The following TACC2 variants were observed in gnomAD, a reference collection of about 807,000 sequenced individuals.
The protein encoded by TACC2 is transforming acidic coiled-coil containing protein 2, also known as transforming acidic coiled-coil-containing protein 2.
TACC2 carries 137 observed loss-of-function variants against 227.3 expected under a neutral mutation model. The observed-to-expected ratio is 0.60, with a 90% confidence interval of 0.52 to 0.69. The LOEUF is 0.69. Ranked by LOEUF, TACC2 falls within the 30% of genes least tolerant of loss-of-function variation. The pLI, the probability that TACC2 is intolerant of heterozygous loss-of-function variation, is 0.00. For missense variants in TACC2, 3,470 were observed against 3,694.4 expected (o/e 0.94, Z 1.57); for synonymous variants, 1,523 against 1,487.5 (o/e 1.02, Z -0.55).
chr10:122,235,071 CT>C (rs2141560131), intron 16 of TACC2, among the ~76,000 whole-genome samples: 1 of 152,114 alleles, frequency 6.6e-6, no homozygotes, highest in East Asian at 1.9e-4. Flanking sequence ...TTTGTTTTTC[CT>C]TTTAAAATCC....
At chr10:122,138,525 C>A (rs1337134554) in intron 6 of TACC2, among the ~76,000 whole-genome samples, 1 of 152,162 alleles carries the variant, frequency 6.6e-6, no homozygotes, top group East Asian at 1.9e-4. Flanking sequence ...AATAAACAAA[C>A]AAACAAAGAC....
Position 122,008,264 on chromosome 10 carries a change from A to ATTATTATTTTTTTTT in TACC2, c.-45-13671_-45-13670insATTATTTTTTTTTTT. Among the ~76,000 whole-genome samples, 328 of 134,624 alleles carry ATTATTATTTTTTTTT rather than the reference A, an allele frequency of 2.4e-3. 2 individuals are homozygous for ATTATTATTTTTTTTT. The highest frequency in any genetic ancestry group is 3.7e-3 in the Middle Eastern group (1 of 272). 88.3% of individuals were successfully genotyped at this position (134,624 alleles called of 152,430 possible). Reference sequence around the variant, plus strand: ...TCCCTTTGTTATTATTATTATTATTATTTTTTTTTTTTGAGACAGAATTTT... The same window carrying ATTATTATTTTTTTTT: ...TCCCTTTGTTATTATTATTATTATTATTATTATTTTTTTTTTTTTTTTTTTTTGAGACAGAATTTT... On this transcript the variant is annotated intron_variant, in intron 1 of 22. Coordinates refer to ENST00000369005, the MANE Select transcript of TACC2 (RefSeq NM_206862.4).
At chr10:122,140,612 G>C (rs2090386758) in intron 6 of TACC2, among the ~76,000 whole-genome samples, 1 of 152,228 alleles carries the variant, frequency 6.6e-6, no homozygotes, top group Non-Finnish European at 1.5e-5. Context: ...TCTCTGGGCT[G>C]GGTTTGGCAG....
At chr10:122,216,968 G>A (rs1395860461) in intron 11 of TACC2, 140 bp downstream of exon 11, 1 of 1,497,894 alleles carries the variant, frequency 6.7e-7, no homozygotes, top group East Asian at 2.4e-5. Context: ...GTCTCCCGCT[G>A]CACTTGCAGC....
At chr10:122,041,816 C>T (rs1410545164) in intron 2 of TACC2, among the ~76,000 whole-genome samples, 6 of 152,252 alleles carry the variant, frequency 3.9e-5, no homozygotes, top group Admixed American at 1.3e-4. Flanking sequence ...TCCCCCAGCC[C>T]GGAGGGTCGG....
intron 8 of TACC2, among the ~76,000 whole-genome samples, chr10:122,203,982 C>G (rs1374336498): frequency 6.6e-6 from 1 of 151,452 alleles, no homozygotes; most frequent in African/African-American, 2.4e-5. Context: ...ACAGCGAAAC[C>G]CTGTCTCCAC....
At chr10:122,078,262 A>C (rs562040225) in intron 3 of TACC2, among the ~76,000 whole-genome samples, 1 of 150,476 alleles carries the variant, frequency 6.6e-6, no homozygotes, top group Non-Finnish European at 1.5e-5. Context: ...TGTTTAGTAC[A>C]TGGCAACTCT....
At chr10:121,996,307 C>A (rs999428513) in intron 1 of TACC2, among the ~76,000 whole-genome samples, 2 of 152,140 alleles carry the variant, frequency 1.3e-5, no homozygotes, top group African/African-American at 4.8e-5. Flanking sequence ...CATCCTGCCT[C>A]GACCTCCCAC....
chr10:122,114,208 C>A (rs547169050), intron 5 of TACC2, among the ~76,000 whole-genome samples: 114 of 152,272 alleles, frequency 7.5e-4, no homozygotes, highest in African/African-American at 2.6e-3. Flanking sequence ...CTGTGCTATG[C>A]CAGAGGAAGG....
intron 1 of TACC2, among the ~76,000 whole-genome samples, chr10:122,011,159 G>A (rs1955871922): frequency 6.6e-6 from 1 of 152,134 alleles, no homozygotes; most frequent in Non-Finnish European, 1.5e-5. Flanking sequence ...GGGTGAGGGA[G>A]CAGACAGAGA....
intron 19 of TACC2, 148 bp from the exon 20 acceptor site, chr10:122,248,495 C>T: frequency 1.1e-6 from 1 of 898,824 alleles, no homozygotes; most frequent in Non-Finnish European, 1.8e-6. Flanking sequence ...TGGGAGGGCT[C>T]TGGGGCGTGG....
intron 3 of TACC2, among the ~76,000 whole-genome samples, chr10:122,062,399 C>T (rs962583849): frequency 7.9e-5 from 12 of 151,488 alleles, no homozygotes; most frequent in South Asian, 2.1e-4. Context: ...CTCCACCTCC[C>T]GGGTTCAAGT....
At chr10:122,047,173 C>G (rs2075100949) in intron 2 of TACC2, among the ~76,000 whole-genome samples, 1 of 150,466 alleles carries the variant, frequency 6.6e-6, no homozygotes, top group South Asian at 2.1e-4. Context: ...CCTGTAGTCC[C>G]AGCTACTTAG....
chr10:122,154,131 C>T (rs1237344407), intron 7 of TACC2, among the ~76,000 whole-genome samples: 1 of 152,214 alleles, frequency 6.6e-6, no homozygotes, highest in Admixed American at 6.5e-5. Flanking sequence ...GGATGTCTGC[C>T]TTTCTCGTCT....
intron 11 of TACC2, among the ~76,000 whole-genome samples, chr10:122,217,901 CT>C (rs2095443771): frequency 6.6e-6 from 1 of 152,084 alleles, no homozygotes; most frequent in Non-Finnish European, 1.5e-5. Context: ...GACACTCCAG[CT>C]TTTGTGATGG....
chr10:122,100,302 T>G (rs2081993304), intron 5 of TACC2, among the ~76,000 whole-genome samples: 1 of 152,112 alleles, frequency 6.6e-6, no homozygotes, highest in Admixed American at 6.5e-5. Flanking sequence ...CATTCTGCAT[T>G]TGGGGACTGT....
chr10:122,095,619 A>C (rs1268665786), intron 5 of TACC2, among the ~76,000 whole-genome samples: 2 of 152,184 alleles, frequency 1.3e-5, no homozygotes, highest in Admixed American at 1.3e-4. Context: ...AAAAGCTAAT[A>C]AGAGTTGGAA....
chr10:122,076,886 G>A (rs753751261), intron 3 of TACC2, among the ~76,000 whole-genome samples: 7 of 152,008 alleles, frequency 4.6e-5, no homozygotes, highest in Non-Finnish European at 8.8e-5. Context: ...AGGCTAAGGC[G>A]GACGGATCAC....
intron 7 of TACC2, among the ~76,000 whole-genome samples, chr10:122,179,710 G>T (rs1244865042): frequency 6.6e-6 from 1 of 152,188 alleles, no homozygotes; most frequent in Non-Finnish European, 1.5e-5. Context: ...GGAAGCCGAG[G>T]CAGGAGGATC....
Sources: gnomAD v4.1 joint callset for allele counts (sites outside exome capture counted in the v4.1 genomes callset) on GRCh38, gnomAD v4.1.1 for gene constraint, MANE v1.5 for transcripts, NCBI Gene and HGNC (gene_info 2026-07-23, HGNC 2026-07-21) for gene names.